The following CDH17 variants were observed in gnomAD, a reference collection of about 807,000 sequenced individuals.
The protein encoded by CDH17 is cadherin 17.
Under a neutral mutation model 86.3 loss-of-function variants are expected in CDH17, and 67 were observed. The observed-to-expected ratio is 0.78, with a 90% confidence interval of 0.64 to 0.95. The LOEUF is 0.95. Among genes scored for constraint, CDH17 ranks in the 40% least tolerant of loss-of-function variants. The pLI is 0.00. For synonymous variants in CDH17, 367 were observed against 366.4 expected (o/e 1.00, Z -0.02); for missense variants, 993 against 1,017.6 (o/e 0.98, Z 0.33).
rs1812907513 is a variant in CDH17 at position 94,154,218 on chromosome 8, T to C, written c.1552-2106A>G. ...AGTGTCAGCAAAAACCTTCTCAGAA[T>C]GATTACAGAGCCATGAAAGAGTCTT... On this transcript the variant is annotated intron_variant, in intron 12 of 17. Coordinates refer to ENST00000027335, the MANE Select transcript of CDH17 (RefSeq NM_004063.4). Among the ~76,000 whole-genome samples the C allele has an allele frequency of 2.6e-5, 4 of 152,308 alleles. No individual in the cohort carries two copies. In the South Asian group the frequency reaches 6.2e-4, roughly 24 times the overall value.
intron 7 of CDH17, 102 bp downstream of exon 7, chr8:94,173,695 G>T: frequency 1.2e-6 from 1 of 855,212 alleles, no homozygotes; most frequent in South Asian, 1.5e-5. Context: ...CTATGAAAAA[G>T]GTATCTAATA....
At chr8:94,161,989 G>A (rs555305109) in intron 11 of CDH17, 97 bp downstream of exon 11, 4 of 764,856 alleles carry the variant, frequency 5.2e-6, no homozygotes, top group Non-Finnish European at 6.7e-6. Context: ...GTTAAGTCTG[G>A]CACTTTTCCT....
intron 14 of CDH17, among the ~76,000 whole-genome samples, chr8:94,147,837 T>C (rs1476404525): frequency 6.6e-6 from 1 of 152,162 alleles, no homozygotes; most frequent in Non-Finnish European, 1.5e-5. Context: ...ATCCTGGGCT[T>C]TTCTGTCTTT....
intron 2 of CDH17, among the ~76,000 whole-genome samples, chr8:94,190,349 G>A (rs1344056634): frequency 6.6e-6 from 1 of 152,200 alleles, no homozygotes; most frequent in Non-Finnish European, 1.5e-5. Context: ...AGATGTGCAT[G>A]AGAGTGTGAC....
At chr8:94,207,520 A>T (rs1814052894) in intron 1 of CDH17, among the ~76,000 whole-genome samples, 1 of 152,208 alleles carries the variant, frequency 6.6e-6, no homozygotes, top group African/African-American at 2.4e-5. Context: ...ACTCACTAGA[A>T]ACCCTCTCTC....
chr8:94,161,400 T>G (rs1412844607), intron 11 of CDH17, among the ~76,000 whole-genome samples: 12 of 152,160 alleles, frequency 7.9e-5, no homozygotes, highest in Non-Finnish European at 1.5e-4. Context: ...CATAACTGAC[T>G]TCAAAAATAA....
chr8:94,130,048 A>G (rs1812380161), intron 17 of CDH17, among the ~76,000 whole-genome samples: 1 of 152,228 alleles, frequency 6.6e-6, no homozygotes, highest in African/African-American at 2.4e-5. Flanking sequence ...GCAAAAAAGA[A>G]AAAGACAGCT....
At chr8:94,172,090 C>A (rs1813281690) in intron 7 of CDH17, among the ~76,000 whole-genome samples, 1 of 149,994 alleles carries the variant, frequency 6.7e-6, no homozygotes, top group South Asian at 2.2e-4. Flanking sequence ...ACACCCAGAG[C>A]ATTTTTTCCA....
At chr8:94,141,721 G>A (rs746216319) in intron 15 of CDH17, among the ~76,000 whole-genome samples, 22 of 152,030 alleles carry the variant, frequency 1.4e-4, no homozygotes, top group Admixed American at 3.3e-4. Flanking sequence ...ATTGCTGAAC[G>A]AAATTAAAGA....
rs543300843 is a variant in CDH17, at chr8:94,215,279, T to C, written c.-21+1919A>G. On this transcript the variant is annotated intron_variant, in intron 1 of 17. Transcript: ENST00000450165. ...TGGATAAAATGTGGTATCCATATGA[T>C]AGAATATTTGTCTATCCATATAATA... Among the ~76,000 whole-genome samples, 6 of 152,320 alleles carry C rather than the reference T, an allele frequency of 3.9e-5. No individual in the cohort carries two copies. In the South Asian group the frequency reaches 6.2e-4, roughly 16 times the overall value.
chr8:94,145,608 A>G (rs1381739511), intron 15 of CDH17, among the ~76,000 whole-genome samples: 2 of 152,128 alleles, frequency 1.3e-5, no homozygotes, highest in Non-Finnish European at 2.9e-5. Flanking sequence ...CTTTGAATAT[A>G]TATATCTATC....
chr8:94,174,096 A>G lies in CDH17; in HGVS notation c.583+6T>C. On this transcript the variant is annotated splice_donor_region_variant and intron_variant, in intron 6 of 17. Coordinates refer to ENST00000027335, the MANE Select transcript of CDH17 (RefSeq NM_004063.4). ...GACAGTCCTACCAGGGCACCCCTGAACTTACCCTCTCGGGTAAGAGAGATG... is the reference window on the plus strand; with the variant it reads ...GACAGTCCTACCAGGGCACCCCTGAGCTTACCCTCTCGGGTAAGAGAGATG... 1.2e-6 allele frequency: 2 copies of G among 1,612,748 alleles called. No individual in the cohort carries two copies. Among genetic ancestry groups the G allele is most frequent in the Non-Finnish European group, 1.7e-6 (2 of 1,178,940 alleles).
intron 10 of CDH17, 43 bp from the exon 11 acceptor site, chr8:94,162,205 C>G (rs746865609): frequency 1.6e-6 from 2 of 1,250,472 alleles, no homozygotes; most frequent in Non-Finnish European, 2.3e-6. Flanking sequence ...TCACTGAAAA[C>G]CATGCATTAA....
At chr8:94,156,274 A>T (rs1310708845) in intron 12 of CDH17, among the ~76,000 whole-genome samples, 3 of 152,222 alleles carry the variant, frequency 2.0e-5, no homozygotes, top group African/African-American at 7.2e-5. Flanking sequence ...ATCACTGATG[A>T]TATCAAAGTG....
chr8:94,170,588 C>A, intron 8 of CDH17, 41 bp from the exon 9 acceptor site: 1 of 1,590,350 alleles, frequency 6.3e-7, no homozygotes, highest in Non-Finnish European at 8.6e-7. Context: ...ACTCACCCAC[C>A]ACCCTCTGTC....
At chr8:94,135,108 T>C (rs1340353373) in intron 15 of CDH17, among the ~76,000 whole-genome samples, 2 of 152,156 alleles carry the variant, frequency 1.3e-5, no homozygotes, top group Admixed American at 1.3e-4. Flanking sequence ...ATAAGTGCTA[T>C]GTGGCACTGA....
intron 15 of CDH17, among the ~76,000 whole-genome samples, chr8:94,135,241 C>T (rs1168421182): frequency 1.3e-5 from 2 of 152,100 alleles, no homozygotes; most frequent in Non-Finnish European, 2.9e-5. Flanking sequence ...ATTGATATGT[C>T]TAATATTGAC....
At chr8:94,130,570 A>T in intron 17 of CDH17, 56 bp downstream of exon 17, 1 of 1,195,254 alleles carries the variant, frequency 8.4e-7, no homozygotes, top group Non-Finnish European at 1.2e-6. Flanking sequence ...CCCTGAGATG[A>T]GCTCACATTT....
At chr8:94,180,425 A>T (rs543469643) in intron 3 of CDH17, among the ~76,000 whole-genome samples, 2 of 152,266 alleles carry the variant, frequency 1.3e-5, no homozygotes, top group East Asian at 3.9e-4. Context: ...TATATCCAAC[A>T]ATCACTATGA....
Sources: gnomAD v4.1 joint callset for allele counts (sites outside exome capture counted in the v4.1 genomes callset) on GRCh38, gnomAD v4.1.1 for gene constraint, MANE v1.5 for transcripts, NCBI Gene and HGNC (gene_info 2026-07-23, HGNC 2026-07-21) for gene names.